The following TIGD2 variants were observed in gnomAD, a reference collection of about 807,000 sequenced individuals.
TIGD2 encodes tigger transposable element derived 2.
In TIGD2, 14 loss-of-function variants were observed where a neutral mutation model predicts 27.0. That is an observed-to-expected ratio of 0.52 (90% confidence interval 0.34 to 0.81). TIGD2 has a LOEUF of 0.81. Ranked by LOEUF, TIGD2 falls within the 30% of genes least tolerant of loss-of-function variation. The pLI, the probability that TIGD2 is intolerant of heterozygous loss-of-function variation, is 0.01. For synonymous variants in TIGD2, 201 were observed against 209.0 expected (o/e 0.96, Z 0.33); for missense variants, 590 against 617.3 (o/e 0.96, Z 0.47).
Position 89,112,721 on chromosome 4 carries a change from G to T in TIGD2, c.-254G>T, listed in dbSNP as rs1379697650. 4 of 395,594 alleles carry T rather than the reference G, an allele frequency of 1.0e-5. No individual in the cohort carries two copies. Among genetic ancestry groups the T allele is most frequent in the African/African-American group, 8.3e-5 (4 of 48,372 alleles). 24.5% of individuals were successfully genotyped at this position (395,594 alleles called of 1,614,324 possible). A position where few individuals can be genotyped will look rare whatever the true frequency, so the allele number is the denominator to read the frequency against. On this transcript the variant is annotated 5_prime_UTR_variant, in exon 2 of 2. Transcript: ENST00000603357. Reference sequence around the variant, plus strand: ...TCTAGTGTGATTGCACTTCATGAAAGACCCTGAACCCTGAGGAGGAAGAAA... The same window carrying T: ...TCTAGTGTGATTGCACTTCATGAAATACCCTGAACCCTGAGGAGGAAGAAA...
In TIGD2 at chr4:89,114,645, ATAC is replaced by A; in HGVS notation, c.*94_*96del. ...GAAGTCCTGTGGATTCCAAAGCCAA[ATAC>A]ATTTTATAAATGATTTTGGAATTAG... On this transcript the variant is annotated 3_prime_UTR_variant, in exon 2 of 2. Coordinates refer to ENST00000603357, the MANE Select transcript of TIGD2 (RefSeq NM_145715.3). 1 of 1,278,722 alleles carries A rather than the reference ATAC, an allele frequency of 7.8e-7. No homozygotes were observed. Among genetic ancestry groups the A allele is most frequent in the Non-Finnish European group, 1.1e-6 (1 of 932,154 alleles). The allele number at this position is 1,278,722 out of a possible 1,614,324, so 79.2% of individuals were successfully genotyped here. A position where few individuals can be genotyped will look rare whatever the true frequency, so the allele number is the denominator to read the frequency against.
chr4:89,114,166 A>G lies in TIGD2; in HGVS notation c.1192A>G (p.Met398Val), dbSNP rs1273463414. 1 of 1,614,232 alleles carries G rather than the reference A, an allele frequency of 6.2e-7. No individual in the cohort carries two copies. Among genetic ancestry groups the G allele is most frequent in the Non-Finnish European group, 8.5e-7 (1 of 1,180,026 alleles). Residue 398 changes from methionine (M) to valine (V), a missense_variant, in exon 2 of 2, where the codon ATG becomes GTG. Coordinates refer to ENST00000603357, the MANE Select transcript of TIGD2 (RefSeq NM_145715.3). ...CCCTGGCAATGAAGAGAATTCAGGTATGAACATTGATGAAGGAGCCATTTT... is the reference window on the plus strand; with the variant it reads ...CCCTGGCAATGAAGAGAATTCAGGTGTGAACATTGATGAAGGAGCCATTTT... ...LFPGNEENSGMNIDEGAILAA... is the reference protein window; with the variant it reads ...LFPGNEENSGVNIDEGAILAA...
chr4:89,114,439 C>T lies in TIGD2; in HGVS notation c.1465C>T (p.Leu489=), dbSNP rs766513264. The T allele has an allele frequency of 1.9e-6, 3 of 1,614,074 alleles. No individual in the cohort carries two copies. The highest frequency in any genetic ancestry group is 2.5e-6 in the Non-Finnish European group (3 of 1,179,988). Reference sequence around the variant, plus strand: ...GGCACTTGAATGGACTGAAAATTTACTGGATTATCTTGAACAACAAGATGA... The same window carrying T: ...GGCACTTGAATGGACTGAAAATTTATTGGATTATCTTGAACAACAAGATGA... ...KAALEWTENL[L]DYLEQQDDML... is the part of the protein sequence containing the mutation. Residue 489 remains leucine (L), a synonymous_variant, in exon 2 of 2, where the codon CTG becomes TTG. Transcript: ENST00000603357.
In TIGD2 at chr4:89,114,731, A is replaced by G. The variant is rs1721180333; in HGVS notation, c.*179A>G. 1.6e-6 allele frequency: 1 copy of G among 612,248 alleles called. No individual in the cohort carries two copies. Among genetic ancestry groups the G allele is most frequent in the Non-Finnish European group, 2.8e-6 (1 of 356,116 alleles). 37.9% of individuals were successfully genotyped at this position (612,248 alleles called of 1,614,324 possible). On this transcript the variant is annotated 3_prime_UTR_variant, in exon 2 of 2. Transcript: ENST00000603357. ...TTAATGTTGACTCTAGTCATTGGGCATTGACGTGTAACTTGTCTTTCTACT... is the reference window on the plus strand; with the variant it reads ...TTAATGTTGACTCTAGTCATTGGGCGTTGACGTGTAACTTGTCTTTCTACT...
chr4:89,113,476 C>T lies in TIGD2; in HGVS notation c.502C>T (p.Leu168=), dbSNP rs1721152076. Residue 168 remains leucine, a synonymous_variant, in exon 2 of 2, where the codon CTA becomes TTA. Transcript: ENST00000603357. ...TCAGGAATTTGTTGAAAAAGAGAAT[C>T]TACAACCAGAGCAAATTTATGGTGC... ...SFQEFVEKEN[L]QPEQIYGADQ... The T allele has an allele frequency of 1.2e-6, 2 of 1,613,810 alleles. No homozygotes were observed. Among genetic ancestry groups the T allele is most frequent in the East Asian group, 2.2e-5 (1 of 44,902 alleles).
chr4:89,111,229 G>A (rs780256740), upstream of TIGD2: 95 of 984,866 alleles, frequency 9.6e-5, no homozygotes, highest in Non-Finnish European at 1.1e-4. Context: ...CAGCACTGGG[G>A]GGGTGAGATT....
intron 1 of TIGD2, 37 bp from the exon 2 acceptor site, chr4:89,112,030 T>G (rs1467625087): frequency 2.0e-5 from 3 of 152,226 alleles, no homozygotes; most frequent in African/African-American, 7.2e-5. Context: ...ATCCTGATGT[T>G]GAATTGAAAG....
Position 89,114,475 on chromosome 4 carries a change from T to A in TIGD2, c.1501T>A (p.Ser501Thr). The A allele has an allele frequency of 4.3e-6, 7 of 1,613,422 alleles. No individual in the cohort carries two copies. Among genetic ancestry groups the A allele is most frequent in the African/African-American group, 1.3e-5 (1 of 75,030 alleles). Residue 501 changes from serine (S) to threonine (T), a missense_variant, in exon 2 of 2, where the codon TCT becomes ACT. By Grantham distance (58) the Ser-to-Thr change is moderately conservative. Coordinates refer to ENST00000603357, the MANE Select transcript of TIGD2 (RefSeq NM_145715.3). ...YLEQQDDMLL[S>T]DKLVLRRLRT... Reference sequence around the variant, plus strand: ...TGAACAACAAGATGACATGCTTCTGTCTGATAAATTGGTATTAAGGAGGCT... The same window carrying A: ...TGAACAACAAGATGACATGCTTCTGACTGATAAATTGGTATTAAGGAGGCT...
At position 89,114,367 on chromosome 4, in the gene TIGD2, A is replaced by G. The variant is rs778581378; in HGVS notation, c.1393A>G (p.Ser465Gly). 22 of 1,613,962 alleles carry G rather than the reference A, an allele frequency of 1.4e-5. No homozygotes were observed. The highest frequency in any genetic ancestry group is 6.7e-5 in the Admixed American group (4 of 60,006). Residue 465 changes from serine to glycine, a missense_variant, in exon 2 of 2, where the codon AGT becomes GGT. By Grantham distance (56) the Ser-to-Gly change is moderately conservative (BLOSUM62 0). Transcript: ENST00000603357. ...KAAEQKPSSK[S>G]RKTELNPEKH... ...TGCTGAGCAAAAGCCTTCCAGTAAG[A>G]GTAGAAAAACAGAACTGAATCCAGA...
rs1580026516 is a variant in TIGD2, at chr4:89,111,583, C to T, written c.-1209C>T. The T allele has an allele frequency of 6.6e-6, 1 of 152,648 alleles. No homozygotes were observed. The highest frequency in any genetic ancestry group is 1.9e-4 in the East Asian group (1 of 5,148). The allele number at this position is 152,648 out of a possible 1,614,324, so 9.5% of individuals were successfully genotyped here. On this transcript the variant is annotated 5_prime_UTR_variant, in exon 1 of 2. Coordinates refer to ENST00000603357, the MANE Select transcript of TIGD2 (RefSeq NM_145715.3). ...GCGACGCTCGTCCCTCTCCGCTCGT[C>T]CCTCGCCGCTGCCGGGCCACCAGTG...
chr4:89,113,024 A>G lies in TIGD2; in HGVS notation c.50A>G (p.Asp17Gly), dbSNP rs1721134387. ...GTGTTGACAATTAAGGACAAGCTTG[A>G]CATTATTAAGAAACTTGAGGAAGGC... is the stretch of plus-strand genomic sequence containing the variant. ...RVVLTIKDKL[D>G]IIKKLEEGIS... The change falls in exon 2 of 2, where the codon GAC becomes GGC. Residue 17 changes from aspartate to glycine, a missense_variant. Asp to Gly is a moderately conservative substitution (Grantham distance 94). Coordinates refer to ENST00000603357, the MANE Select transcript of TIGD2 (RefSeq NM_145715.3). The G allele has an allele frequency of 6.2e-7, 1 of 1,609,486 alleles. No individual in the cohort carries two copies. Among genetic ancestry groups the G allele is most frequent in the Admixed American group, 1.7e-5 (1 of 58,990 alleles).
In TIGD2 at chr4:89,114,600, C is replaced by A; in HGVS notation, c.*48C>A. 6.7e-7 allele frequency: 1 copy of A among 1,501,082 alleles called. No homozygotes were observed. Among genetic ancestry groups the A allele is most frequent in the South Asian group, 1.4e-5 (1 of 71,638 alleles). 93.0% of individuals were successfully genotyped at this position (1,501,082 alleles called of 1,614,324 possible). A position where few individuals can be genotyped will look rare whatever the true frequency, so the allele number is the denominator to read the frequency against. ...GTATCTGCATCTTTGTGACTATCTG[C>A]AGTGAAACTTTGCTTGTTTGAAGTC... is the stretch of plus-strand genomic sequence containing the variant. On this transcript the variant is annotated 3_prime_UTR_variant, in exon 2 of 2. Coordinates refer to ENST00000603357, the MANE Select transcript of TIGD2 (RefSeq NM_145715.3).
rs755391892 is a variant in TIGD2 at position 89,113,049 on chromosome 4, C to T, written c.75C>T (p.Gly25=). Residue 25 remains glycine, a synonymous_variant, in exon 2 of 2, where the codon GGC becomes GGT. Coordinates refer to ENST00000603357, the MANE Select transcript of TIGD2 (RefSeq NM_145715.3). The part of the protein sequence containing the change: ...KLDIIKKLEE[G]ISFKKLSVVY... ...ACATTATTAAGAAACTTGAGGAAGG[C>T]ATCTCTTTCAAAAAACTTTCCGTGG... 1 of 1,612,350 alleles carries T rather than the reference C, an allele frequency of 6.2e-7. No homozygotes were observed. Among genetic ancestry groups the T allele is most frequent in the Non-Finnish European group, 8.5e-7 (1 of 1,179,542 alleles).
chr4:89,112,536 C>A lies in TIGD2; in HGVS notation c.-439C>A, dbSNP rs972992582. ...TTTCCTGTATGTCAAGTTTGCAAGT[C>A]CTCTCTTGACTTAAACTGTTTACTC... On this transcript the variant is annotated 5_prime_UTR_variant, in exon 2 of 2. Coordinates refer to ENST00000603357, the MANE Select transcript of TIGD2 (RefSeq NM_145715.3). 1.3e-5 allele frequency: 2 copies of A among 154,038 alleles called. No homozygotes were observed. Among genetic ancestry groups the A allele is most frequent in the Non-Finnish European group, 2.9e-5 (2 of 69,504 alleles). 9.5% of individuals were successfully genotyped at this position (154,038 alleles called of 1,614,324 possible).
rs900853978 is a variant in TIGD2 at position 89,113,241 on chromosome 4, A to G, written c.267A>G (p.Gln89=). The part of the protein sequence containing the change: ...LDRVMIEWFN[Q]QKTDGIPVSG... ...GAGTTATGATAGAGTGGTTTAACCA[A>G]CAGAAAACAGATGGGATTCCAGTGT... Residue 89 remains glutamine, a synonymous_variant, in exon 2 of 2, where the codon CAA becomes CAG. Coordinates refer to ENST00000603357, the MANE Select transcript of TIGD2 (RefSeq NM_145715.3). 6.2e-6 allele frequency: 10 copies of G among 1,613,974 alleles called. No homozygotes were observed. The East Asian group carries it at 2.2e-4, about 36-fold the overall frequency.
chr4:89,113,228 A>C lies in TIGD2; in HGVS notation c.254A>C (p.Glu85Ala). ...GAGGAGCTTGATAGAGTTATGATAG[A>C]GTGGTTTAACCAACAGAAAACAGAT... ...TYEELDRVMIEWFNQQKTDGI... is the reference protein window; with the variant it reads ...TYEELDRVMIAWFNQQKTDGI... Residue 85 changes from glutamate (E) to alanine (A), a missense_variant, in exon 2 of 2, where the codon GAG (glutamate) becomes GCG (alanine). This residue lies in a region of TIGD2 where 47 missense variants were observed against 79.7 expected (regional missense o/e 0.59). Coordinates refer to ENST00000603357, the MANE Select transcript of TIGD2 (RefSeq NM_145715.3). 1 of 1,614,124 alleles carries C rather than the reference A, an allele frequency of 6.2e-7. No individual in the cohort carries two copies. Among genetic ancestry groups the C allele is most frequent in the South Asian group, 1.1e-5 (1 of 91,088 alleles).
chr4:89,111,308 C>G (rs1323940405), upstream of TIGD2: 1 of 824,136 alleles, frequency 1.2e-6, no homozygotes, highest in Non-Finnish European at 1.5e-6. Flanking sequence ...AGCGCCAGGA[C>G]AAGGCGAGCG....
rs768260494 is a variant in TIGD2, at chr4:89,114,624, T to G, written c.*72T>G. On this transcript the variant is annotated 3_prime_UTR_variant, in exon 2 of 2. Coordinates refer to ENST00000603357, the MANE Select transcript of TIGD2 (RefSeq NM_145715.3). ...GCAGTGAAACTTTGCTTGTTTGAAG[T>G]CCTGTGGATTCCAAAGCCAAATACA... 1 of 1,429,062 alleles carries G rather than the reference T, an allele frequency of 7.0e-7. No homozygotes were observed. The highest frequency in any genetic ancestry group is 1.4e-5 in the African/African-American group (1 of 70,122). 88.5% of individuals were successfully genotyped at this position (1,429,062 alleles called of 1,614,324 possible). A position where few individuals can be genotyped will look rare whatever the true frequency, so the allele number is the denominator to read the frequency against.
At position 89,113,943 on chromosome 4, in the gene TIGD2, T is replaced by G; in HGVS notation, c.969T>G (p.Ile323Met). 6.2e-7 allele frequency: 1 copy of G among 1,614,118 alleles called. No individual in the cohort carries two copies. The highest frequency in any genetic ancestry group is 8.5e-7 in the Non-Finnish European group (1 of 1,179,980). The change falls in exon 2 of 2, where the codon ATT becomes ATG. Residue 323 changes from isoleucine to methionine, a missense_variant. Physicochemically the swap from Ile to Met is conservative, Grantham distance 10. Transcript: ENST00000603357. ...KYLPPNVTSL[I>M]QPMSQGVLAT... ...TGCCACCAAATGTCACAAGTCTGAT[T>G]CAACCAATGAGCCAGGGAGTTCTAG...
Sources: gnomAD v4.1 joint callset for allele counts on GRCh38, gnomAD v4.1.1 for gene constraint, gnomAD v4.1.1 regional missense constraint, MANE v1.5 for transcripts, NCBI Gene and HGNC (gene_info 2026-07-23, HGNC 2026-07-21) for gene names.